SORCS2: variants seen among roughly 807,000 people sequenced by gnomAD.
The protein encoded by SORCS2 is sortilin related VPS10 domain containing receptor 2.
SORCS2 carries 100 observed loss-of-function variants against 141.6 expected under a neutral mutation model. That is an observed-to-expected ratio of 0.71 (90% CI 0.60 to 0.83). The LOEUF is 0.83. Among genes scored for constraint, SORCS2 ranks in the 40% least tolerant of loss-of-function variants. The pLI is 0.00. For synonymous variants in SORCS2, 789 were observed against 676.9 expected (o/e 1.17, Z -2.57); for missense variants, 1,646 against 1,560.2 (o/e 1.05, Z -0.93).
chr4:7,535,662 C>T (rs995575233), intron 3 of SORCS2, among the ~76,000 whole-genome samples: 1 of 152,268 alleles, frequency 6.6e-6, no homozygotes, highest in African/African-American at 2.4e-5. Flanking sequence ...GAGGGAAACA[C>T]TGACGCCCTC....
intron 3 of SORCS2, among the ~76,000 whole-genome samples, chr4:7,577,862 T>C (rs1261130511): frequency 3.3e-5 from 4 of 120,018 alleles, no homozygotes; most frequent in East Asian, 2.6e-4. Context: ...ATATAGCATA[T>C]AGGCGAAGTC....
chr4:7,344,256 T>C (rs920634570), intron 1 of SORCS2, among the ~76,000 whole-genome samples: 15 of 152,142 alleles, frequency 9.9e-5, no homozygotes, highest in African/African-American at 3.6e-4. Context: ...ATCTGCTGAG[T>C]CCCATGTCAT....
chr4:7,405,451 C>A (rs1279730980), intron 2 of SORCS2, among the ~76,000 whole-genome samples: 1 of 152,050 alleles, frequency 6.6e-6, no homozygotes, highest in Non-Finnish European at 1.5e-5. Flanking sequence ...AATGTATGGT[C>A]ATTTTAACAG....
intron 2 of SORCS2, among the ~76,000 whole-genome samples, chr4:7,477,397 ATGGCTGACTGGGGCTGACC>A (rs1730370220): frequency 7.4e-6 from 1 of 135,730 alleles, no homozygotes; most frequent in Non-Finnish European, 1.7e-5. Flanking sequence ...TGGGGCTGAC[ATGGCTGACTGGGGCTGACC>A]GTGGCTGATC....
chr4:7,542,071 G>C (rs1712719279), intron 3 of SORCS2, among the ~76,000 whole-genome samples: 2 of 152,194 alleles, frequency 1.3e-5, no homozygotes. Flanking sequence ...CCAAGACCAG[G>C]AGAGCTCCAG....
At chr4:7,657,263 T>C (rs1721835157) in intron 5 of SORCS2, among the ~76,000 whole-genome samples, 1 of 152,168 alleles carries the variant, frequency 6.6e-6, no homozygotes, top group African/African-American at 2.4e-5. Flanking sequence ...ACTCAGGAAA[T>C]GAATGAGTAA....
At position 7,307,653 on chromosome 4, in the gene SORCS2, G is replaced by A. The variant is rs113776520; in HGVS notation, c.481-88635G>A. On this transcript the variant is annotated intron_variant, in intron 1 of 26. Transcript: ENST00000507866. Reference sequence around the variant, plus strand: ...TTTGCCATCAGAGGGAAGCGGCTGAGGGTGGGTGCTGACAACTGTTCTGTA... The same window carrying A: ...TTTGCCATCAGAGGGAAGCGGCTGAAGGTGGGTGCTGACAACTGTTCTGTA... 7.8e-3 allele frequency among the ~76,000 whole-genome samples: 1,191 copies of A among 152,354 alleles called. 18 individuals carry two copies. The highest frequency in any genetic ancestry group is 0.026 in the African/African-American group (1,098 of 41,582).
At chr4:7,305,911 C>A (rs1174338597) in intron 1 of SORCS2, among the ~76,000 whole-genome samples, 1 of 152,212 alleles carries the variant, frequency 6.6e-6, no homozygotes, top group Non-Finnish European at 1.5e-5. Flanking sequence ...CTTATGGGTG[C>A]AAACACGGAG....
chr4:7,653,562 G>T (rs868013823), intron 4 of SORCS2, among the ~76,000 whole-genome samples: 8 of 152,188 alleles, frequency 5.3e-5, no homozygotes, highest in Non-Finnish European at 7.3e-5. Context: ...CAATTATTAA[G>T]AAGTTCAAGT....
At chr4:7,646,067 G>A (rs1252957167) in intron 4 of SORCS2, among the ~76,000 whole-genome samples, 1 of 152,262 alleles carries the variant, frequency 6.6e-6, no homozygotes, top group African/African-American at 2.4e-5. Flanking sequence ...TGCGCACCCG[G>A]CAGCCACGGA....
At chr4:7,719,488 C>T (rs1236434382) in intron 18 of SORCS2, among the ~76,000 whole-genome samples, 1 of 152,210 alleles carries the variant, frequency 6.6e-6, no homozygotes, top group Non-Finnish European at 1.5e-5. Flanking sequence ...GTCCCTGGCC[C>T]CTAGACTCTA....
At chr4:7,518,110 G>A (rs1443119326) in intron 2 of SORCS2, among the ~76,000 whole-genome samples, 1 of 152,200 alleles carries the variant, frequency 6.6e-6, no homozygotes, top group African/African-American at 2.4e-5. Context: ...CCTGGTGGAT[G>A]GTTAAGGTGC....
At chr4:7,525,542 T>C (rs1340239734) in intron 2 of SORCS2, among the ~76,000 whole-genome samples, 3 of 151,920 alleles carry the variant, frequency 2.0e-5, no homozygotes, top group Non-Finnish European at 1.5e-5. Flanking sequence ...GCAGTGTCAC[T>C]CCATCTTCCA....
intron 14 of SORCS2, among the ~76,000 whole-genome samples, chr4:7,711,635 G>T (rs765078160): frequency 3.4e-4 from 52 of 152,238 alleles, no homozygotes; most frequent in Non-Finnish European, 5.6e-4. Context: ...CAGAGAGGGA[G>T]AAAGCGAGGC....
intron 1 of SORCS2, among the ~76,000 whole-genome samples, chr4:7,227,005 C>T (rs147456164): frequency 1.8e-4 from 27 of 152,328 alleles, no homozygotes; most frequent in African/African-American, 6.0e-4. Flanking sequence ...CAGCTGTGAC[C>T]AGCACCCCTC....
At chr4:7,219,496 T>G (rs1360406562) in intron 1 of SORCS2, among the ~76,000 whole-genome samples, 3 of 152,184 alleles carry the variant, frequency 2.0e-5, no homozygotes, top group Admixed American at 2.0e-4. Context: ...GAAAGAGGTT[T>G]AATTGACTCA....
intron 1 of SORCS2, among the ~76,000 whole-genome samples, chr4:7,374,440 T>C (rs1722502607): frequency 6.6e-6 from 1 of 152,060 alleles, no homozygotes; most frequent in Non-Finnish European, 1.5e-5. Flanking sequence ...ATTTCTCCCG[T>C]TGCAATGAAA....
intron 19 of SORCS2, 21 bp downstream of exon 19, chr4:7,723,904 A>G (rs1431514258): frequency 6.3e-7 from 1 of 1,581,436 alleles, no homozygotes; most frequent in Non-Finnish European, 8.6e-7. Context: ...TGCCCCTTTG[A>G]GGCCAAAGGT....
chr4:7,211,691 C>T (rs1728069335), intron 1 of SORCS2, among the ~76,000 whole-genome samples: 1 of 152,120 alleles, frequency 6.6e-6, no homozygotes, highest in African/African-American at 2.4e-5. Context: ...CTTTTAAAGA[C>T]AGATTGTCCA....
Sources: allele counts gnomAD v4.1 joint callset (sites outside exome capture counted in the v4.1 genomes callset), GRCh38; gene constraint gnomAD v4.1.1; transcripts MANE v1.5; gene names NCBI Gene and HGNC (gene_info 2026-07-23, HGNC 2026-07-21).